The following ZCCHC24 variants were observed in gnomAD, a reference collection of about 807,000 sequenced individuals.
The protein encoded by ZCCHC24 is zinc finger CCHC-type containing 24, also known as zinc finger CCHC domain-containing protein 24.
In ZCCHC24, 10 loss-of-function variants were observed where a neutral mutation model predicts 26.2. The observed-to-expected ratio is 0.38, with a 90% CI of 0.24 to 0.65. ZCCHC24 has a LOEUF of 0.65. Ranked by LOEUF, ZCCHC24 falls within the 30% of genes least tolerant of loss-of-function variation. ZCCHC24 has a pLI of 0.54. For missense variants in ZCCHC24, 243 were observed against 329.1 expected, an observed-to-expected ratio of 0.74 and a Z score of 2.03; for synonymous variants, 144 against 147.1, an observed-to-expected ratio of 0.98 and a Z score of 0.15.
chr10:79,444,532 G>T (rs1268563527), intron 1 of ZCCHC24, among the ~76,000 whole-genome samples: 1 of 150,902 alleles, frequency 6.6e-6, no homozygotes, highest in Non-Finnish European at 1.5e-5. Context: ...CATTTCCTTC[G>T]AGGCTGGGAG....
At chr10:79,428,935 TA>T (rs35486237) in intron 2 of ZCCHC24, among the ~76,000 whole-genome samples, 7 of 150,696 alleles carry the variant, frequency 4.6e-5, no homozygotes, top group East Asian at 1.9e-4. Flanking sequence ...CAAAAAGAAA[TA>T]AAAAAAAATC....
At chr10:79,410,576 G>A (rs1156478354) in intron 2 of ZCCHC24, among the ~76,000 whole-genome samples, 1 of 152,240 alleles carries the variant, frequency 6.6e-6, no homozygotes, top group African/African-American at 2.4e-5. Flanking sequence ...CGGGAAGCAT[G>A]GAGGGCTTGA....
intron 1 of ZCCHC24, among the ~76,000 whole-genome samples, chr10:79,442,635 G>A (rs1005675429): frequency 6.6e-6 from 1 of 152,186 alleles, no homozygotes; most frequent in East Asian, 1.9e-4. Flanking sequence ...GCCAGGCCTC[G>A]CACAGAATGG....
At chr10:79,398,877 G>A (rs564667873) in intron 2 of ZCCHC24, among the ~76,000 whole-genome samples, 155 of 152,246 alleles carry the variant, frequency 1.0e-3, no homozygotes, top group African/African-American at 3.5e-3. Context: ...TGAAACTGAG[G>A]CACAGGGAAG....
chr10:79,394,149 T>C, intron 3 of ZCCHC24, 127 bp downstream of exon 3: 1 of 1,317,194 alleles, frequency 7.6e-7, no homozygotes, highest in African/African-American at 1.5e-5. Context: ...CCATTTCAGA[T>C]GAGACAAGGA....
intron 2 of ZCCHC24, among the ~76,000 whole-genome samples, chr10:79,429,209 T>C (rs776253253): frequency 9.2e-5 from 14 of 152,334 alleles, no homozygotes; most frequent in East Asian, 1.9e-4. Flanking sequence ...ATTCTAGTTA[T>C]ATGAAATGTC....
intron 2 of ZCCHC24, among the ~76,000 whole-genome samples, chr10:79,397,514 C>T (rs931930415): frequency 1.3e-5 from 2 of 152,158 alleles, no homozygotes; most frequent in Admixed American, 1.3e-4. Flanking sequence ...TAAGCCACCC[C>T]CTCTATCACA....
chr10:79,403,440 C>A (rs112816946), intron 2 of ZCCHC24: 17 of 985,440 alleles, frequency 1.7e-5, no homozygotes, highest in Non-Finnish European at 1.9e-5. Context: ...CATGCACGGC[C>A]GGGGGAGGCA....
intron 1 of ZCCHC24, among the ~76,000 whole-genome samples, chr10:79,438,073 G>A (rs367723422): frequency 3.3e-5 from 5 of 152,132 alleles, no homozygotes; most frequent in South Asian, 2.1e-4. Flanking sequence ...TACCAGGCAC[G>A]GCAGAAGCAA....
At chr10:79,389,528 T>TTGTGTGTGTGTGTGTGTG (rs1564631249) in intron 3 of ZCCHC24, among the ~76,000 whole-genome samples, 1 of 65,200 alleles carries the variant, frequency 1.5e-5, no homozygotes, top group African/African-American at 6.3e-5. Flanking sequence ...GACTTTTTCC[T>TTGTGTGTGTGTGTGTGTG]AGTGTGTGTG....
At chr10:79,422,193 G>A (rs1018607259) in intron 2 of ZCCHC24, among the ~76,000 whole-genome samples, 1 of 152,184 alleles carries the variant, frequency 6.6e-6, no homozygotes, top group Non-Finnish European at 1.5e-5. Context: ...GGGTTCTGAG[G>A]AGAAGCTTCT....
At chr10:79,394,550 C>A in intron 2 of ZCCHC24, 110 bp from the exon 3 acceptor site, 1 of 1,496,246 alleles carries the variant, frequency 6.7e-7, no homozygotes, top group Non-Finnish European at 8.9e-7. Context: ...TCCATGTGTG[C>A]AGGCACCTTT....
At chr10:79,394,808 T>C (rs1392485682) in intron 2 of ZCCHC24, among the ~76,000 whole-genome samples, 1 of 152,190 alleles carries the variant, frequency 6.6e-6, no homozygotes, top group African/African-American at 2.4e-5. Flanking sequence ...TACCCAGCAG[T>C]GTGCTTTAAA....
rs559786075 is a variant in ZCCHC24, at chr10:79,386,236, G to T, written c.*109C>A. The T allele has an allele frequency of 1.4e-5, 15 of 1,035,378 alleles. No homozygotes were observed. In the Admixed American group the frequency reaches 3.1e-4, roughly 22 times the overall value. 64.1% of individuals were successfully genotyped at this position (1,035,378 alleles called of 1,614,324 possible). A position where few individuals can be genotyped will look rare whatever the true frequency, so the allele number is the denominator to read the frequency against. ...GCCCCCGGCCCAGCCCCGCAGGCCT[G>T]CGAGGGCACCCCATGCACAGGGCGA... On this transcript the variant is annotated 3_prime_UTR_variant, in exon 4 of 4. Transcript: ENST00000372336.
chr10:79,402,967 C>A (rs980363491), intron 2 of ZCCHC24, among the ~76,000 whole-genome samples: 1 of 152,236 alleles, frequency 6.6e-6, no homozygotes. Flanking sequence ...CTGCACCAGG[C>A]TCTGTGGAAA....
At chr10:79,429,150 T>C (rs964192924) in intron 2 of ZCCHC24, among the ~76,000 whole-genome samples, 4 of 152,094 alleles carry the variant, frequency 2.6e-5, no homozygotes, top group African/African-American at 7.2e-5. Flanking sequence ...ACCATGAAAA[T>C]ATTATGCTAA....
At chr10:79,444,688 G>C (rs915863826) in intron 1 of ZCCHC24, among the ~76,000 whole-genome samples, 1 of 152,222 alleles carries the variant, frequency 6.6e-6, no homozygotes, top group Admixed American at 6.5e-5. Flanking sequence ...TGCTCTCCAG[G>C]GTGCCTTTCG....
chr10:79,403,458 G>A (rs1856665794), intron 2 of ZCCHC24: 1 of 985,464 alleles, frequency 1.0e-6, no homozygotes, highest in Non-Finnish European at 1.2e-6. Context: ...GCAGGTGGAA[G>A]GGCTGCGTCC....
chr10:79,416,455 C>T (rs1309117949), intron 2 of ZCCHC24, among the ~76,000 whole-genome samples: 1 of 152,156 alleles, frequency 6.6e-6, no homozygotes, highest in Non-Finnish European at 1.5e-5. Flanking sequence ...ATGAACTGTG[C>T]TGGCTCTCTG....
Sources: gnomAD v4.1 joint callset for allele counts (sites outside exome capture counted in the v4.1 genomes callset) on GRCh38, gnomAD v4.1.1 for gene constraint, MANE v1.5 for transcripts, NCBI Gene and HGNC (gene_info 2026-07-23, HGNC 2026-07-21) for gene names.